The following TBCK variants were observed in gnomAD, a reference collection of about 807,000 sequenced individuals.
The protein encoded by TBCK is TBC domain-containing protein kinase-like protein.
TBCK carries 99 observed loss-of-function variants against 113.4 expected under a neutral mutation model. That is an observed-to-expected ratio of 0.87 (90% CI 0.74 to 1.03). The LOEUF (loss-of-function observed/expected upper bound fraction) is 1.03, where lower values mean the gene tolerates loss of function less well. Ranked by LOEUF, TBCK falls within the 50% of genes least tolerant of loss-of-function variation. The probability of loss-of-function intolerance (pLI) is 0.00; values close to 1 mark genes in which losing one functional copy is unlikely to be tolerated. For synonymous variants in TBCK, 369 were observed against 370.8 expected, an observed-to-expected ratio of 1.00 and a Z score of 0.05; for missense variants, 1,045 against 1,061.3, an observed-to-expected ratio of 0.98 and a Z score of 0.21.
chr4:106,169,789 T>C (rs771259300), intron 23 of TBCK, among the ~76,000 whole-genome samples: 2 of 152,120 alleles, frequency 1.3e-5, no homozygotes, highest in Non-Finnish European at 2.9e-5. Context: ...GAGCTTGTTT[T>C]CCTGCTACTT....
chr4:106,211,670 T>C (rs1756149851), intron 20 of TBCK, among the ~76,000 whole-genome samples: 1 of 152,096 alleles, frequency 6.6e-6, no homozygotes, highest in East Asian at 1.9e-4. Context: ...AATATAGTTT[T>C]AGGAAGTTTT....
intron 5 of TBCK, among the ~76,000 whole-genome samples, chr4:106,259,071 T>A (rs924128104): frequency 6.6e-6 from 1 of 151,918 alleles, no homozygotes; most frequent in African/African-American, 2.4e-5. Context: ...CAGAAAGCTA[T>A]CTTATTTATT....
intron 24 of TBCK, among the ~76,000 whole-genome samples, chr4:106,105,515 C>T (rs7671304): frequency 7.2e-5 from 11 of 152,176 alleles, no homozygotes; most frequent in African/African-American, 2.7e-4. Context: ...ACTTTCAGAG[C>T]ACTGAGAGGG....
At chr4:106,209,778 C>CT (rs994875479) in intron 20 of TBCK, among the ~76,000 whole-genome samples, 7 of 151,658 alleles carry the variant, frequency 4.6e-5, no homozygotes, top group African/African-American at 1.5e-4. Flanking sequence ...AATTGCCTGA[C>CT]TTTTTTTTAA....
chr4:106,190,624 T>C (rs1579185039), intron 22 of TBCK, among the ~76,000 whole-genome samples: 1 of 152,250 alleles, frequency 6.6e-6, no homozygotes, highest in East Asian at 1.9e-4. Context: ...TCTCAAATTC[T>C]ATGCTACATA....
chr4:106,120,031 T>A lies in TBCK; in HGVS notation c.2236-3653A>T, dbSNP rs1033290388. Among the ~76,000 whole-genome samples, 7 of 152,176 alleles carry A rather than the reference T, an allele frequency of 4.6e-5. No homozygotes were observed. In the East Asian group the frequency reaches 9.7e-4, roughly 21 times the overall value. On this transcript the variant is annotated intron_variant, in intron 23 of 25. Transcript: ENST00000394708. ...CCTGAGCGACGCAGAAGATGGGTGA[T>A]TTCTGCATTTCCATCTGAGGTACCG...
Position 106,236,444 on chromosome 4 carries a change from C to A in TBCK, c.1296G>T (p.Glu432Asp). ...TATTTAGTTGGTACTCTGTATCCTT[C>A]TCTCTGATGATTAAAGGGAGCGTGG... Reference protein sequence around the residue: ...AAATLPLIIREKDTEYQLNRI... With the variant: ...AAATLPLIIRDKDTEYQLNRI... Residue 432 changes from glutamate to aspartate, a missense_variant, in exon 14 of 26, where the codon GAG becomes GAT. Coordinates refer to ENST00000394708, the MANE Select transcript of TBCK (RefSeq NM_001163435.3). The A allele has an allele frequency of 6.3e-7, 1 of 1,575,992 alleles. No homozygotes were observed. Among genetic ancestry groups the A allele is most frequent in the Non-Finnish European group, 8.6e-7 (1 of 1,159,916 alleles).
intron 19 of TBCK, among the ~76,000 whole-genome samples, chr4:106,228,592 T>A (rs1159490297): frequency 6.6e-6 from 1 of 152,068 alleles, no homozygotes; most frequent in African/African-American, 2.4e-5. Flanking sequence ...TTCTTATGGC[T>A]GAATAGTACT....
At chr4:106,150,411 A>G (rs1350372647) in intron 23 of TBCK, among the ~76,000 whole-genome samples, 3 of 152,126 alleles carry the variant, frequency 2.0e-5, no homozygotes, top group Non-Finnish European at 4.4e-5. Context: ...ACACATAGGG[A>G]CTTTAGTAAA....
chr4:106,125,328 T>C (rs1002564497), intron 23 of TBCK, among the ~76,000 whole-genome samples: 7 of 152,130 alleles, frequency 4.6e-5, no homozygotes, highest in African/African-American at 1.7e-4. Flanking sequence ...AACCTAAATG[T>C]CTATCAATGG....
chr4:106,311,755 A>G (rs919330778), intron 1 of TBCK, among the ~76,000 whole-genome samples: 2 of 152,132 alleles, frequency 1.3e-5, no homozygotes, highest in African/African-American at 4.8e-5. Context: ...GTGTGTTAAT[A>G]CCACATATTT....
At chr4:106,153,630 G>A (rs1169351334) in intron 23 of TBCK, among the ~76,000 whole-genome samples, 1 of 152,032 alleles carries the variant, frequency 6.6e-6, no homozygotes, top group Non-Finnish European at 1.5e-5. Context: ...ATGATTTTCT[G>A]TCTGGAAGAT....
intron 7 of TBCK, 23 bp from the exon 8 acceptor site, chr4:106,249,005 G>A: frequency 6.5e-7 from 1 of 1,529,902 alleles, no homozygotes; most frequent in Non-Finnish European, 8.9e-7. Context: ...AAAACTATAT[G>A]AATAAATGCT....
chr4:106,171,184 G>T lies in TBCK; in HGVS notation c.2146C>A (p.Pro716Thr). 6.2e-7 allele frequency: 1 copy of T among 1,612,688 alleles called. No individual in the cohort carries two copies. Among genetic ancestry groups the T allele is most frequent in the East Asian group, 2.2e-5 (1 of 44,794 alleles). Residue 716 changes from proline (P) to threonine (T), a missense_variant, in exon 23 of 26, where the codon CCT becomes ACT. By Grantham distance (38) the Pro-to-Thr change is conservative (BLOSUM62 -1). Coordinates refer to ENST00000394708, the MANE Select transcript of TBCK (RefSeq NM_001163435.3). Reference protein sequence around the residue: ...KSATYRQHAQPPKPSSDSSGG... With the variant: ...KSATYRQHAQTPKPSSDSSGG... ...CTGCTGTCAGAAGATGGCTTTGGAG[G>T]TTGAGCATGCTGTCTGTAAGTAGCA...
chr4:106,206,798 A>G (rs1331387394), intron 20 of TBCK, among the ~76,000 whole-genome samples: 2 of 152,240 alleles, frequency 1.3e-5, no homozygotes, highest in Non-Finnish European at 2.9e-5. Flanking sequence ...GATTGTGATA[A>G]GCTTTTAAGT....
At position 106,103,970 on chromosome 4, in the gene TBCK, T is replaced by TG. The variant is rs1741849594; in HGVS notation, c.2412-8330_2412-8329insC. ...ACGGCCCCAGAAAAACACACTTCTCTCACAGGTCTTTGCAACCCTCAGGTC... is the reference window on the plus strand; with the variant it reads ...ACGGCCCCAGAAAAACACACTTCTCTGCACAGGTCTTTGCAACCCTCAGGTC... On this transcript the variant is annotated intron_variant, in intron 24 of 25. Coordinates refer to ENST00000394708, the MANE Select transcript of TBCK (RefSeq NM_001163435.3). Among the ~76,000 whole-genome samples, 5 of 152,298 alleles carry TG rather than the reference T, an allele frequency of 3.3e-5. No homozygotes were observed. The South Asian group carries it at 1.0e-3, about 32-fold the overall frequency.
chr4:106,196,585 C>A (rs936407292), intron 20 of TBCK, among the ~76,000 whole-genome samples: 1 of 151,796 alleles, frequency 6.6e-6, no homozygotes, highest in East Asian at 1.9e-4. Context: ...GAAATAAAAC[C>A]CACTCATCTC....
chr4:106,134,687 C>T (rs1180052338), intron 23 of TBCK, among the ~76,000 whole-genome samples: 2 of 152,184 alleles, frequency 1.3e-5, no homozygotes, highest in Non-Finnish European at 2.9e-5. Context: ...GTTCCCAGGA[C>T]AATCATTGTA....
intron 25 of TBCK, among the ~76,000 whole-genome samples, chr4:106,084,415 C>A (rs1462444483): frequency 1.3e-5 from 2 of 152,042 alleles, no homozygotes; most frequent in Non-Finnish European, 2.9e-5. Flanking sequence ...ATGAACAAAA[C>A]CTCCAAGAAA....
Sources: gnomAD v4.1 joint callset for allele counts (sites outside exome capture counted in the v4.1 genomes callset) on GRCh38, gnomAD v4.1.1 for gene constraint, MANE v1.5 for transcripts, NCBI Gene and HGNC (gene_info 2026-07-23, HGNC 2026-07-21) for gene names.